SSR1: variants seen among roughly 807,000 people sequenced by gnomAD.
SSR1 encodes signal sequence receptor subunit 1.
Under a neutral mutation model 36.1 loss-of-function variants are expected in SSR1, and 13 were observed. The ratio of observed to expected loss-of-function variants is 0.36; its 90% confidence interval spans 0.23 to 0.57. The LOEUF (loss-of-function observed/expected upper bound fraction) is 0.57, where lower values mean the gene tolerates loss of function less well. Among genes scored for constraint, SSR1 ranks in the 20% least tolerant of loss-of-function variants. The pLI, the probability that SSR1 is intolerant of heterozygous loss-of-function variation, is 0.81. For missense variants in SSR1, 291 were observed against 338.5 expected (o/e 0.86, Z 1.10); for synonymous variants, 113 against 118.9 (o/e 0.95, Z 0.32).
At chr6:7,302,695 G>A (rs1757963577) in intron 3 of SSR1, among the ~76,000 whole-genome samples, 1 of 151,878 alleles carries the variant, frequency 6.6e-6, no homozygotes, top group Non-Finnish European at 1.5e-5. Context: ...CTGGGAGGCA[G>A]AGGTTGCAGT....
chr6:7,303,574 T>C lies in SSR1; in HGVS notation c.256A>G (p.Thr86Ala), dbSNP rs1287343705. ...EPEASPSADT[T>A]ILFVKGEDFP... ...CCTTCTCCTTTTACAAACAGTATAG[T>C]TGTATCTGCACTCGGTGAAGCTTCA... Residue 86 changes from threonine to alanine, a missense_variant, in exon 3 of 8, where the codon ACT (threonine) becomes GCT (alanine). Transcript: ENST00000244763. 1.9e-6 allele frequency: 3 copies of C among 1,613,066 alleles called. No individual in the cohort carries two copies. Among genetic ancestry groups the C allele is most frequent in the East Asian group, 2.2e-5 (1 of 44,868 alleles).
At chr6:7,298,906 C>CT in intron 4 of SSR1, 83 bp from the exon 5 acceptor site, 2 of 1,098,512 alleles carry the variant, frequency 1.8e-6, no homozygotes, top group Non-Finnish European at 2.7e-6. Flanking sequence ...AACAGTTACT[C>CT]TAACAGATTG....
chr6:7,306,841 G>A (rs940235320), intron 2 of SSR1, among the ~76,000 whole-genome samples: 6 of 151,644 alleles, frequency 4.0e-5, no homozygotes, highest in Middle Eastern at 3.2e-3. Flanking sequence ...GCGTGAACCC[G>A]GGAGGTGGAG....
intron 1 of SSR1, among the ~76,000 whole-genome samples, chr6:7,310,666 T>A (rs1223860468): frequency 6.6e-6 from 1 of 152,274 alleles, no homozygotes; most frequent in East Asian, 1.9e-4. Flanking sequence ...ATCCCAGCAC[T>A]TTAGAAGGCT....
intron 2 of SSR1, among the ~76,000 whole-genome samples, chr6:7,306,968 G>C (rs972914840): frequency 7.3e-6 from 1 of 136,832 alleles, no homozygotes; most frequent in African/African-American, 2.8e-5. Context: ...AAAAAAAAAG[G>C]TTTGTCCTCA....
intron 1 of SSR1, among the ~76,000 whole-genome samples, chr6:7,310,643 G>A (rs1480992028): frequency 6.6e-6 from 1 of 152,178 alleles, no homozygotes; most frequent in Non-Finnish European, 1.5e-5. Context: ...CGGCGCGGTG[G>A]CTCACGCCTG....
At chr6:7,292,299 T>TG (rs1170765925) in intron 7 of SSR1, among the ~76,000 whole-genome samples, 1 of 152,208 alleles carries the variant, frequency 6.6e-6, no homozygotes, top group African/African-American at 2.4e-5. Context: ...GGGACATTAA[T>TG]GGGATCAGCT....
rs114836142 is a variant in SSR1 at position 7,303,751 on chromosome 6, C to T, written c.193-114G>A. 1.3e-3 allele frequency: 918 copies of T among 703,608 alleles called. 8 individuals are homozygous for T. In the African/African-American group the frequency reaches 0.014, roughly 11 times the overall value. The allele number at this position is 703,608 out of a possible 1,614,324, so 43.6% of individuals were successfully genotyped here. A position where few individuals can be genotyped will look rare whatever the true frequency, so the allele number is the denominator to read the frequency against. ...CACACTTATAATCTCAGCACTTGGC[C>T]GAGGCAGGCAGATCACCTGAAGTCA... On this transcript the variant is annotated intron_variant, in intron 2 of 7. Transcript: ENST00000244763.
intron 6 of SSR1, chr6:7,297,145 C>T (rs1487874473): frequency 1.5e-5 from 5 of 324,492 alleles, no homozygotes; most frequent in Admixed American, 1.1e-4. Flanking sequence ...ACTTGAGCCC[C>T]GAAGGCGGAG....
At chr6:7,306,844 A>C (rs2113298356) in intron 2 of SSR1, among the ~76,000 whole-genome samples, 1 of 134,128 alleles carries the variant, frequency 7.5e-6, no homozygotes, top group African/African-American at 2.9e-5. Flanking sequence ...TGAACCCGGG[A>C]GGTGGAGCTT....
rs1373763916 is a variant in SSR1 at position 7,284,417 on chromosome 6, G to A, written c.*5447C>T. 1 of 152,134 alleles carries A rather than the reference G, an allele frequency of 6.6e-6. No homozygotes were observed. Among genetic ancestry groups the A allele is most frequent in the Non-Finnish European group, 1.5e-5 (1 of 68,022 alleles). The allele number at this position is 152,134 out of a possible 1,614,324, so 9.4% of individuals were successfully genotyped here. On this transcript the variant is annotated 3_prime_UTR_variant, in exon 8 of 8. Coordinates refer to ENST00000244763, the MANE Select transcript of SSR1 (RefSeq NM_003144.5). The stretch of plus-strand genomic sequence containing the variant: ...CCTTTAGTTACAAAAAGAATACTAT[G>A]TAGCTTACATATTCAGAATTTACCT...
chr6:7,303,881 G>A (rs965885543), intron 2 of SSR1, among the ~76,000 whole-genome samples: 1 of 152,162 alleles, frequency 6.6e-6, no homozygotes, highest in Non-Finnish European at 1.5e-5. Flanking sequence ...CAGCTACTCG[G>A]AAGGCTAAGG....
intron 7 of SSR1, among the ~76,000 whole-genome samples, chr6:7,293,095 T>G (rs1344126623): frequency 6.6e-6 from 1 of 151,798 alleles, no homozygotes; most frequent in Non-Finnish European, 1.5e-5. Context: ...GAAGTTCCGC[T>G]GTCAGCACTG....
intron 2 of SSR1, among the ~76,000 whole-genome samples, chr6:7,308,556 T>C (rs1465171520): frequency 1.3e-5 from 2 of 152,090 alleles, no homozygotes; most frequent in Non-Finnish European, 2.9e-5. Flanking sequence ...GAAATAAAAT[T>C]AACTAGATGC....
chr6:7,297,941 T>G lies in SSR1; in HGVS notation c.681A>C (p.Gln227His). 1 of 1,613,218 alleles carries G rather than the reference T, an allele frequency of 6.2e-7. No homozygotes were observed. The highest frequency in any genetic ancestry group is 8.5e-7 in the Non-Finnish European group (1 of 1,179,656). ...LGLLVIVGLH[Q>H]LLESRKRKRP... ...TAATTACCTTTCTAGATTCTAGGAG[T>G]TGATGAAGGCCAACAATAACCAGAA... The change falls in exon 6 of 8, where the codon CAA becomes CAC. Residue 227 changes from glutamine (Q) to histidine (H), a missense_variant. Physicochemically the swap from Gln to His is conservative, Grantham distance 24. Coordinates refer to ENST00000244763, the MANE Select transcript of SSR1 (RefSeq NM_003144.5).
chr6:7,282,183 G>C lies in SSR1; in HGVS notation c.*7681C>G, dbSNP rs1757435869. Reference sequence around the variant, plus strand: ...GCTTTTGTGGGCAGAAGCCATATTAGAAGAAGAGCTAAAGGAAAGCTGAAA... The same window carrying C: ...GCTTTTGTGGGCAGAAGCCATATTACAAGAAGAGCTAAAGGAAAGCTGAAA... On this transcript the variant is annotated 3_prime_UTR_variant, in exon 8 of 8. Transcript: ENST00000244763. The C allele has an allele frequency of 6.6e-6, 1 of 152,256 alleles. No homozygotes were observed. The highest frequency in any genetic ancestry group is 6.5e-5 in the Admixed American group (1 of 15,270). The allele number at this position is 152,256 out of a possible 1,614,324, so 9.4% of individuals were successfully genotyped here. A position where few individuals can be genotyped will look rare whatever the true frequency, so the allele number is the denominator to read the frequency against.
Position 7,301,402 on chromosome 6 carries a change from G to C in SSR1, c.451C>G (p.Gln151Glu). 1 of 1,614,182 alleles carries C rather than the reference G, an allele frequency of 6.2e-7. No homozygotes were observed. Among genetic ancestry groups the C allele is most frequent in the African/African-American group, 1.3e-5 (1 of 75,056 alleles). ...PLNTVVPPQR[Q>E]ATFEYSFIPA... Reference sequence around the variant, plus strand: ...ATGAAAGAGTACTCAAAAGTTGCCTGTCTCTGGGGTGGCACTACAGTGTTC... The same window carrying C: ...ATGAAAGAGTACTCAAAAGTTGCCTCTCTCTGGGGTGGCACTACAGTGTTC... Residue 151 changes from glutamine to glutamate, a missense_variant, in exon 4 of 8, where the codon CAG becomes GAG. Transcript: ENST00000244763.
intron 4 of SSR1, among the ~76,000 whole-genome samples, chr6:7,300,954 C>T (rs914447825): frequency 2.0e-5 from 3 of 152,134 alleles, no homozygotes; most frequent in Non-Finnish European, 4.4e-5. Context: ...CAGATCTTAA[C>T]ATCTGAATAA....
chr6:7,313,127 G>C lies in SSR1; in HGVS notation c.-7C>G, dbSNP rs1426490143. On this transcript the variant is annotated 5_prime_UTR_variant, in exon 1 of 8. Transcript: ENST00000244763. The stretch of plus-strand genomic sequence containing the variant: ...AGCGGGGGAGGAGTCTCATGGCGCT[G>C]CCGGTCCAGTGTCCAGTTTCCGTCG... 6.2e-7 allele frequency: 1 copy of C among 1,601,446 alleles called. No individual in the cohort carries two copies. The highest frequency in any genetic ancestry group is 8.5e-7 in the Non-Finnish European group (1 of 1,173,786).
Sources: gnomAD v4.1 joint callset for allele counts (sites outside exome capture counted in the v4.1 genomes callset) on GRCh38, gnomAD v4.1.1 for gene constraint, MANE v1.5 for transcripts, NCBI Gene and HGNC (gene_info 2026-07-23, HGNC 2026-07-21) for gene names.